The following RECQL4 variants were observed in gnomAD, a reference collection of about 807,000 sequenced individuals.
RECQL4 encodes ATP-dependent DNA helicase Q4.
RECQL4 carries 158 observed loss-of-function variants against 128.6 expected under a neutral mutation model. The observed-to-expected ratio is 1.23, with a 90% CI of 1.08 to 1.40. The LOEUF (loss-of-function observed/expected upper bound fraction) is 1.40, where lower values mean the gene tolerates loss of function less well. Among genes scored for constraint, RECQL4 ranks in the 40% most tolerant of loss-of-function variants. The pLI, the probability that RECQL4 is intolerant of heterozygous loss-of-function variation, is 0.00. For missense variants in RECQL4, 2,293 were observed against 1,649.8 expected, an observed-to-expected ratio of 1.39 and a Z score of -6.75; for synonymous variants, 996 against 678.9, an observed-to-expected ratio of 1.47 and a Z score of -7.26.
Position 144,516,386 on chromosome 8 carries a change from C to T in RECQL4, c.733G>A (p.Val245Ile), listed in dbSNP as rs2130723324. 6.2e-7 allele frequency: 1 copy of T among 1,609,966 alleles called. No individual in the cohort carries two copies. Among genetic ancestry groups the T allele is most frequent in the East Asian group, 2.2e-5 (1 of 44,882 alleles). The part of the protein sequence containing the change: ...QGPEASAFQE[V>I]SIRVGSPQPS... ...TGGGGGCTCCCCACACGGATGCTGA[C>T]TTCTTGGAAGGCTGAAGCCTCTGGG... Residue 245 changes from valine (V) to isoleucine (I), a missense_variant, in exon 5 of 21, where the codon GTC becomes ATC. By Grantham distance (29) the Val-to-Ile change is conservative (BLOSUM62 3). Transcript: ENST00000617875.
intron 4 of RECQL4, 95 bp from the exon 5 acceptor site, chr8:144,516,859 G>A (rs1815150020): frequency 6.4e-6 from 9 of 1,397,230 alleles, no homozygotes; most frequent in South Asian, 2.9e-5. Context: ...CAATTGTAGA[G>A]CAGGCTAATT....
chr8:144,514,144 C>G, intron 11 of RECQL4, 37 bp from the exon 12 acceptor site: 2 of 1,610,768 alleles, frequency 1.2e-6, no homozygotes, highest in East Asian at 2.2e-5. Context: ...GGCCGCCCAG[C>G]CCATCCCGGC....
At position 144,513,232 on chromosome 8, in the gene RECQL4, A is replaced by T. The variant is rs1364205283; in HGVS notation, c.2449T>A (p.Phe817Ile). The T allele has an allele frequency of 6.3e-7, 1 of 1,582,910 alleles. No individual in the cohort carries two copies. Among genetic ancestry groups the T allele is most frequent in the Non-Finnish European group, 8.6e-7 (1 of 1,168,910 alleles). Residue 817 changes from phenylalanine (F) to isoleucine (I), a missense_variant, in exon 14 of 21, where the codon TTC (phenylalanine) becomes ATC (isoleucine). Physicochemically the swap from Phe to Ile is conservative, Grantham distance 21. Transcript: ENST00000617875. ...RDGQPAHCHL[F>I]LQPQGEDLRE... ...GGGGTGCCAACCTGGGGCTGCAGGA[A>T]GAGGTGGCAGTGGGCAGGCTGCCCG...
chr8:144,514,161 C>T (rs764167158), intron 11 of RECQL4, 28 bp downstream of exon 11: 53 of 1,611,792 alleles, frequency 3.3e-5, no homozygotes, highest in Middle Eastern at 1.6e-4. Context: ...CGGCCCTGGC[C>T]GCCCACCCCA....
chr8:144,515,478 T>TA, intron 6 of RECQL4, 21 bp from the exon 7 acceptor site: 3 of 1,611,736 alleles, frequency 1.9e-6, no homozygotes, highest in Non-Finnish European at 2.5e-6. Flanking sequence ...CAGGAGAGGG[T>TA]AGAATGGGAG....
chr8:144,512,166 T>C lies in RECQL4; in HGVS notation c.3214A>G (p.Arg1072Gly). 3.7e-6 allele frequency: 6 copies of C among 1,610,840 alleles called. No individual in the cohort carries two copies. The highest frequency in any genetic ancestry group is 5.1e-6 in the Non-Finnish European group (6 of 1,179,124). ...AACCTGTGAAAGGCCTGGAAGGTTC[T>C]GCGCAGACGGGCCAGGGCCTGGCGC... ...RERQALARLRRTFQAFHSVAF... is the reference protein window; with the variant it reads ...RERQALARLRGTFQAFHSVAF... The change falls in exon 18 of 21, where the codon AGA (arginine) becomes GGA (glycine). Residue 1072 changes from arginine (R) to glycine (G), a missense_variant. Arg to Gly is a moderately radical substitution (Grantham distance 125). Coordinates refer to ENST00000617875, the MANE Select transcript of RECQL4 (RefSeq NM_004260.4).
chr8:144,513,837 G>A (rs1827737349), intron 12 of RECQL4, 91 bp downstream of exon 12: 1 of 1,452,540 alleles, frequency 6.9e-7, no homozygotes, highest in African/African-American at 1.4e-5. Flanking sequence ...GAGTGAGAAG[G>A]GGTCGGCGTG....
At position 144,513,416 on chromosome 8, in the gene RECQL4, C is replaced by T; in HGVS notation, c.2265G>A (p.Arg755=). ...GGCCCTGCATGAAGGCTCGCTGTAC[C>T]CGCCGCCGTTCCCGGCTGCACATGC... The part of the protein sequence containing the change: ...HAGMCSRERR[R]VQRAFMQGQL... Residue 755 remains arginine (R), a synonymous_variant, in exon 14 of 21, where the codon CGG becomes CGA. Transcript: ENST00000617875. The T allele has an allele frequency of 1.2e-6, 2 of 1,609,240 alleles. No homozygotes were observed. The highest frequency in any genetic ancestry group is 8.5e-7 in the Non-Finnish European group (1 of 1,179,750).
rs1586819715 is a variant in RECQL4 at position 144,515,853 on chromosome 8, A to G, written c.1169T>C (p.Phe390Ser). Residue 390 changes from phenylalanine (F) to serine (S), a missense_variant, in exon 6 of 21, where the codon TTT becomes TCT. Phe to Ser is a radical substitution (Grantham distance 155, BLOSUM62 -2). Transcript: ENST00000617875. ...TGTGACTGTGGCACCACCACCCCCA[A>G]AACACTCCCCTTTCTTCCGCCACTT... ...KQKWRKKGEC[F>S]GGGGATVTTK... 1.9e-6 allele frequency: 3 copies of G among 1,612,950 alleles called. No individual in the cohort carries two copies. The highest frequency in any genetic ancestry group is 2.5e-6 in the Non-Finnish European group (3 of 1,179,800).
rs769656562 is a variant in RECQL4 at position 144,515,468 on chromosome 8, C to T, written c.1259-11G>A. On this transcript the variant is annotated splice_polypyrimidine_tract_variant and intron_variant, in intron 6 of 20. Coordinates refer to ENST00000617875, the MANE Select transcript of RECQL4 (RefSeq NM_004260.4). Reference sequence around the variant, plus strand: ...TGTCTTCCTCACTTGCTGGGGCAGGCAGGAGAGGGTAGAATGGGAGCTCCA... The same window carrying T: ...TGTCTTCCTCACTTGCTGGGGCAGGTAGGAGAGGGTAGAATGGGAGCTCCA... 6 of 1,612,452 alleles carry T rather than the reference C, an allele frequency of 3.7e-6. No homozygotes were observed. Among genetic ancestry groups the T allele is most frequent in the Non-Finnish European group, 8.5e-7 (1 of 1,179,816 alleles).
In RECQL4 at chr8:144,511,328, C is replaced by T. The variant is rs987876045; in HGVS notation, c.*103G>A. 1.3e-6 allele frequency: 2 copies of T among 1,566,668 alleles called. No homozygotes were observed. Among genetic ancestry groups the T allele is most frequent in the East Asian group, 2.3e-5 (1 of 44,218 alleles). ...CATTTTTTATTCTGCATTTTGGAGCCTCCTCGTTCCCACACCCTGTGGCAG... is the reference window on the plus strand; with the variant it reads ...CATTTTTTATTCTGCATTTTGGAGCTTCCTCGTTCCCACACCCTGTGGCAG... On this transcript the variant is annotated 3_prime_UTR_variant, in exon 21 of 21. Coordinates refer to ENST00000617875, the MANE Select transcript of RECQL4 (RefSeq NM_004260.4).
rs758283442 is a variant in RECQL4 at position 144,514,878 on chromosome 8, G to A, written c.1620+58C>T. 11 of 1,588,194 alleles carry A rather than the reference G, an allele frequency of 6.9e-6. No individual in the cohort carries two copies. In the South Asian group the frequency reaches 1.0e-4, roughly 15 times the overall value. ...AGGGGACAAGCAGCAGTTGCCCTTG[G>A]GAGTCACAAGTGCTGGTTCTTGGCT... is the stretch of plus-strand genomic sequence containing the variant. On this transcript the variant is annotated intron_variant, in intron 9 of 20. Transcript: ENST00000617875.
Position 144,517,126 on chromosome 8 carries a change from G to T in RECQL4, c.278C>A (p.Thr93Lys). Residue 93 changes from threonine (T) to lysine (K), a missense_variant, in exon 4 of 21, where the codon ACG becomes AAG. Physicochemically the swap from Thr to Lys is moderately conservative, Grantham distance 78 (BLOSUM62 -1). Coordinates refer to ENST00000617875, the MANE Select transcript of RECQL4 (RefSeq NM_004260.4). The stretch of plus-strand genomic sequence containing the variant: ...CGAGCCCTGGCGGCTCCGCCCTGGC[G>T]TAGACTGTGGACTCTTGGTCGCAGC... Reference protein sequence around the residue: ...NRAATKSPQSTPGRSRQGSVP... With the variant: ...NRAATKSPQSKPGRSRQGSVP... The T allele has an allele frequency of 6.2e-7, 1 of 1,612,174 alleles. No individual in the cohort carries two copies. Among genetic ancestry groups the T allele is most frequent in the Non-Finnish European group, 8.5e-7 (1 of 1,179,708 alleles).
chr8:144,515,386 G>C lies in RECQL4; in HGVS notation c.1330C>G (p.Pro444Ala). ...VPSPQPVPEV[P>A]SLDPTVLPLY... ...GGCAGCACGGTGGGGTCCAGGCTGGGCACCTCAGGTACAGGTTGTGGTGAA... is the reference window on the plus strand; with the variant it reads ...GGCAGCACGGTGGGGTCCAGGCTGGCCACCTCAGGTACAGGTTGTGGTGAA... The change falls in exon 7 of 21, where the codon CCC becomes GCC. Residue 444 changes from proline to alanine, a missense_variant. By Grantham distance (27) the Pro-to-Ala change is conservative. Transcript: ENST00000617875. The C allele has an allele frequency of 6.2e-7, 1 of 1,612,752 alleles. No individual in the cohort carries two copies. Among genetic ancestry groups the C allele is most frequent in the Non-Finnish European group, 8.5e-7 (1 of 1,179,828 alleles).
chr8:144,517,120 C>T lies in RECQL4; in HGVS notation c.284G>A (p.Gly95Glu). 1 of 1,612,236 alleles carries T rather than the reference C, an allele frequency of 6.2e-7. No homozygotes were observed. The highest frequency in any genetic ancestry group is 8.5e-7 in the Non-Finnish European group (1 of 1,179,696). The change falls in exon 4 of 21, where the codon GGG becomes GAG. Residue 95 changes from glycine to glutamate, a missense_variant. Transcript: ENST00000617875. ...CGGCACCGAGCCCTGGCGGCTCCGC[C>T]CTGGCGTAGACTGTGGACTCTTGGT... The part of the protein sequence containing the change: ...AATKSPQSTP[G>E]RSRQGSVPDY...
rs777700633 is a variant in RECQL4, at chr8:144,513,561, C to T, written c.2200+10G>A. 10 of 1,610,910 alleles carry T rather than the reference C, an allele frequency of 6.2e-6. No individual in the cohort carries two copies. The highest frequency in any genetic ancestry group is 3.3e-5 in the Admixed American group (2 of 59,810). The stretch of plus-strand genomic sequence containing the variant: ...GGTCCACGGGGACACCAGCTCTGTC[C>T]ATGCCGCACCTCCAGACCCTGGGAC... On this transcript the variant is annotated intron_variant, in intron 13 of 20. Coordinates refer to ENST00000617875, the MANE Select transcript of RECQL4 (RefSeq NM_004260.4).
rs587778646 is a variant in RECQL4, at chr8:144,512,048, C to T, written c.3256G>A (p.Gly1086Arg). The T allele has an allele frequency of 1.9e-5, 30 of 1,608,284 alleles. No homozygotes were observed. Among genetic ancestry groups the T allele is most frequent in the African/African-American group, 6.7e-5 (5 of 74,904 alleles). Residue 1086 changes from glycine to arginine, a missense_variant, in exon 19 of 21, where the codon GGG becomes AGG. Gly to Arg is a moderately radical substitution (Grantham distance 125). Coordinates refer to ENST00000617875, the MANE Select transcript of RECQL4 (RefSeq NM_004260.4). ...TCATCCTGCTGCTCCAGGCAGGGCC[C>T]GCAGCTGGGGAAGGCTACGCTGTGG... ...AFHSVAFPSC[G>R]PCLEQQDEER... is the part of the protein sequence containing the mutation.
In RECQL4 at chr8:144,513,230, G is replaced by A. The variant is rs778652987; in HGVS notation, c.2451C>T (p.Phe817=). Residue 817 remains phenylalanine, a synonymous_variant, in exon 14 of 21, where the codon TTC becomes TTT. Transcript: ENST00000617875. ...GGGGGGTGCCAACCTGGGGCTGCAG[G>A]AAGAGGTGGCAGTGGGCAGGCTGCC... is the stretch of plus-strand genomic sequence containing the variant. ...RDGQPAHCHL[F]LQPQGEDLRE... is the part of the protein sequence containing the mutation. 5 of 1,582,520 alleles carry A rather than the reference G, an allele frequency of 3.2e-6. No homozygotes were observed. The highest frequency in any genetic ancestry group is 2.7e-5 in the African/African-American group (2 of 74,540).
chr8:144,515,385 G>A lies in RECQL4; in HGVS notation c.1331C>T (p.Pro444Leu). ...TGGCAGCACGGTGGGGTCCAGGCTG[G>A]GCACCTCAGGTACAGGTTGTGGTGA... ...VPSPQPVPEVPSLDPTVLPLY... is the reference protein window; with the variant it reads ...VPSPQPVPEVLSLDPTVLPLY... Residue 444 changes from proline to leucine, a missense_variant, in exon 7 of 21, where the codon CCC becomes CTC. Physicochemically the swap from Pro to Leu is moderately conservative, Grantham distance 98. Coordinates refer to ENST00000617875, the MANE Select transcript of RECQL4 (RefSeq NM_004260.4). The A allele has an allele frequency of 3.7e-6, 6 of 1,612,740 alleles. No individual in the cohort carries two copies.
Sources: allele counts gnomAD v4.1 joint callset, GRCh38; gene constraint gnomAD v4.1.1; transcripts MANE v1.5; gene names NCBI Gene and HGNC (gene_info 2026-07-23, HGNC 2026-07-21).